Variants in NCAM2 observed in about 807,000 individuals in gnomAD.
NCAM2 encodes the protein N-CAM-2.
Under a neutral mutation model 98.1 loss-of-function variants are expected in NCAM2, and 30 were observed. The ratio of observed to expected loss-of-function variants is 0.31; its 90% CI spans 0.23 to 0.41. The LOEUF is 0.41. Among genes scored for constraint, NCAM2 ranks in the 10% least tolerant of loss-of-function variants. NCAM2 has a pLI of 1.00. For synonymous variants in NCAM2, 368 were observed against 342.4 expected (o/e 1.07, Z -0.83); for missense variants, 867 against 1,005.8 (o/e 0.86, Z 1.87).
At chr21:21,077,980 A>G (rs2065713979) in intron 1 of NCAM2, among the ~76,000 whole-genome samples, 1 of 152,082 alleles carries the variant, frequency 6.6e-6, no homozygotes, top group Admixed American at 6.6e-5. Context: ...TTACAAGCAA[A>G]TTTTGTTTTT....
intron 15 of NCAM2, among the ~76,000 whole-genome samples, chr21:21,481,611 T>C (rs1985892999): frequency 6.6e-6 from 1 of 152,078 alleles, no homozygotes. Flanking sequence ...AAGCCAGTGT[T>C]AGAAGGTCTT....
chr21:21,107,359 T>A (rs966954752), intron 1 of NCAM2, among the ~76,000 whole-genome samples: 1 of 152,076 alleles, frequency 6.6e-6, no homozygotes, highest in Non-Finnish European at 1.5e-5. Flanking sequence ...TGAAATCATT[T>A]CCTCAAAAAC....
intron 1 of NCAM2, among the ~76,000 whole-genome samples, chr21:21,066,784 T>C (rs1203788860): frequency 1.3e-5 from 2 of 152,092 alleles, no homozygotes; most frequent in Non-Finnish European, 2.9e-5. Flanking sequence ...AAAATTTGTT[T>C]ACAGGTGTTT....
At chr21:21,416,931 G>T (rs1306432174) in intron 10 of NCAM2, among the ~76,000 whole-genome samples, 1 of 142,120 alleles carries the variant, frequency 7.0e-6, no homozygotes, top group Non-Finnish European at 1.6e-5. Flanking sequence ...GTCGTGATGG[G>T]TGTTTTCTTT....
chr21:21,024,284 A>G (rs2064496166), intron 1 of NCAM2, among the ~76,000 whole-genome samples: 3 of 152,156 alleles, frequency 2.0e-5, no homozygotes, highest in Admixed American at 2.0e-4. Flanking sequence ...CCTTTATGAT[A>G]CCACTATTTC....
chr21:21,501,548 C>T (rs1266482436), intron 15 of NCAM2, among the ~76,000 whole-genome samples: 1 of 150,840 alleles, frequency 6.6e-6, no homozygotes, highest in African/African-American at 2.4e-5. Flanking sequence ...TTTAGGCAAC[C>T]CTTCTGGTTC....
intron 12 of NCAM2, among the ~76,000 whole-genome samples, chr21:21,446,407 A>G (rs1440113380): frequency 6.6e-6 from 1 of 151,988 alleles, no homozygotes; most frequent in African/African-American, 2.4e-5. Flanking sequence ...TCTCCTGGAT[A>G]ATATCCTGAA....
In NCAM2 at chr21:21,210,967, AACACACACACACACACACACAC is replaced by A. The variant is rs71195310; in HGVS notation, c.56-69576_56-69555del. ...CAGGAGTTTACTAATACTCTCCCCA[AACACACACACACACACACACAC>A]ACACACACACACACACACACACACA... On this transcript the variant is annotated intron_variant, in intron 1 of 17. Coordinates refer to ENST00000400546, the MANE Select transcript of NCAM2 (RefSeq NM_004540.5). Among the ~76,000 whole-genome samples the A allele has an allele frequency of 3.0e-3, 376 of 127,382 alleles. 3 individuals are homozygous for A. Among genetic ancestry groups the A allele is most frequent in the African/African-American group, 0.011 (330 of 30,896 alleles). 83.6% of individuals were successfully genotyped at this position (127,382 alleles called of 152,430 possible).
At chr21:21,460,482 A>G (rs985854681) in intron 12 of NCAM2, among the ~76,000 whole-genome samples, 5 of 151,980 alleles carry the variant, frequency 3.3e-5, no homozygotes, top group African/African-American at 1.2e-4. Flanking sequence ...AACAAACTTT[A>G]ATTTGGAAAA....
At chr21:21,014,783 T>C (rs2064275263) in intron 1 of NCAM2, among the ~76,000 whole-genome samples, 1 of 152,218 alleles carries the variant, frequency 6.6e-6, no homozygotes, top group South Asian at 2.1e-4. Flanking sequence ...TAATGATTCC[T>C]CTAATGGATC....
chr21:21,387,731 C>T (rs1381955023), intron 9 of NCAM2, among the ~76,000 whole-genome samples: 1 of 152,070 alleles, frequency 6.6e-6, no homozygotes, highest in Non-Finnish European at 1.5e-5. Context: ...ATGAATCAGC[C>T]GTATGGTACA....
chr21:21,071,517 T>C (rs1195092277), intron 1 of NCAM2, among the ~76,000 whole-genome samples: 1 of 152,160 alleles, frequency 6.6e-6, no homozygotes, highest in Non-Finnish European at 1.5e-5. Context: ...ACACTTGATA[T>C]TTAAGATTTT....
intron 1 of NCAM2, among the ~76,000 whole-genome samples, chr21:21,042,712 G>A (rs2064930879): frequency 6.6e-6 from 1 of 152,132 alleles, no homozygotes; most frequent in African/African-American, 2.4e-5. Context: ...CAGTGTTTAT[G>A]TTAAGCACCT....
chr21:21,019,798 G>A (rs548564200), intron 1 of NCAM2, among the ~76,000 whole-genome samples: 5 of 152,220 alleles, frequency 3.3e-5, no homozygotes, highest in African/African-American at 1.2e-4. Context: ...ATTCTATTCA[G>A]TTTTCGCATA....
At chr21:21,017,915 C>T (rs1467561914) in intron 1 of NCAM2, among the ~76,000 whole-genome samples, 1 of 151,984 alleles carries the variant, frequency 6.6e-6, no homozygotes, top group African/African-American at 2.4e-5. Context: ...CATATATATG[C>T]ATACAGAAGC....
chr21:21,442,431 A>C (rs1465221425), intron 12 of NCAM2, among the ~76,000 whole-genome samples: 6 of 152,192 alleles, frequency 3.9e-5, no homozygotes. Flanking sequence ...TAGACCTAAA[A>C]TCTCAACTAA....
intron 8 of NCAM2, among the ~76,000 whole-genome samples, chr21:21,368,986 A>G (rs1836585649): frequency 1.3e-5 from 2 of 151,918 alleles, no homozygotes. Flanking sequence ...TATAAGTCAC[A>G]TAGCAAACAA....
At position 21,055,886 on chromosome 21, in the gene NCAM2, A is replaced by G. The variant is rs181627968; in HGVS notation, c.55+57268A>G. Among the ~76,000 whole-genome samples the G allele has an allele frequency of 2.9e-3, 449 of 152,224 alleles. 3 individuals carry two copies. Among genetic ancestry groups the G allele is most frequent in the Admixed American group, 4.0e-3 (61 of 15,270 alleles). Reference sequence around the variant, plus strand: ...AATGCTGGCATAATCCATGTTCGGTAATTAGTAGCTCTTGTCACCATTATT... The same window carrying G: ...AATGCTGGCATAATCCATGTTCGGTGATTAGTAGCTCTTGTCACCATTATT... On this transcript the variant is annotated intron_variant, in intron 1 of 17. Coordinates refer to ENST00000400546, the MANE Select transcript of NCAM2 (RefSeq NM_004540.5).
chr21:21,004,937 T>C (rs576905243), intron 1 of NCAM2, among the ~76,000 whole-genome samples: 1 of 151,926 alleles, frequency 6.6e-6, no homozygotes, highest in Admixed American at 6.6e-5. Flanking sequence ...TTCAATATAG[T>C]GAGAGTAAAT....
Sources: allele counts gnomAD v4.1 joint callset (sites outside exome capture counted in the v4.1 genomes callset), GRCh38; gene constraint gnomAD v4.1.1; transcripts MANE v1.5; gene names NCBI Gene and HGNC (gene_info 2026-07-23, HGNC 2026-07-21).